Variants in PTP4A2 observed in about 807,000 individuals in gnomAD.
The protein encoded by PTP4A2 is protein tyrosine phosphatase 4A2.
In PTP4A2, 2 loss-of-function variants were observed where a neutral mutation model predicts 22.9. The ratio of observed to expected loss-of-function variants is 0.09; its 90% CI spans 0.04 to 0.27. PTP4A2 has a LOEUF of 0.27. Ranked by LOEUF, PTP4A2 falls within the 10% of genes least tolerant of loss-of-function variation. The pLI, the probability that PTP4A2 is intolerant of heterozygous loss-of-function variation, is 1.00. For synonymous variants in PTP4A2, 68 were observed against 69.1 expected, an observed-to-expected ratio of 0.98 and a Z score of 0.08; for missense variants, 103 against 205.1, an observed-to-expected ratio of 0.50 and a Z score of 3.04.
intron 2 of PTP4A2, among the ~76,000 whole-genome samples, chr1:31,916,332 G>GA (rs1252415450): frequency 1.7e-5 from 2 of 115,448 alleles, no homozygotes; most frequent in Non-Finnish European, 3.3e-5. Context: ...GCGACAGAGC[G>GA]AGACTCCGTC....
At chr1:31,927,048 TAG>T (rs1245006273) in intron 1 of PTP4A2, among the ~76,000 whole-genome samples, 3 of 152,054 alleles carry the variant, frequency 2.0e-5, no homozygotes, top group African/African-American at 4.8e-5. Flanking sequence ...ATGGAATGAA[TAG>T]AGTCAGAGAA....
chr1:31,925,621 G>A (rs1218789553), intron 1 of PTP4A2, among the ~76,000 whole-genome samples: 1 of 152,050 alleles, frequency 6.6e-6, no homozygotes, highest in Non-Finnish European at 1.5e-5. Flanking sequence ...TTAGTCGGGT[G>A]TGGTGGTGGG....
At chr1:31,922,802 T>C (rs1652249828) in intron 1 of PTP4A2, among the ~76,000 whole-genome samples, 2 of 152,036 alleles carry the variant, frequency 1.3e-5, no homozygotes. Flanking sequence ...TTTGATTTTC[T>C]GTAGCAACAA....
Position 31,907,315 on chromosome 1 carries a change from C to T in PTP4A2, c.*1537G>A, listed in dbSNP as rs1230241941. Reference sequence around the variant, plus strand: ...AGAGGTGAAAATAGTGCAAGAGCCCCTGATGGTGCCCCTCTACCTGCTTTG... The same window carrying T: ...AGAGGTGAAAATAGTGCAAGAGCCCTTGATGGTGCCCCTCTACCTGCTTTG... On this transcript the variant is annotated 3_prime_UTR_variant, in exon 6 of 6. Coordinates refer to ENST00000647444, the MANE Select transcript of PTP4A2 (RefSeq NM_080391.4). The T allele has an allele frequency of 6.6e-6, 1 of 152,240 alleles. No individual in the cohort carries two copies. The highest frequency in any genetic ancestry group is 1.5e-5 in the Non-Finnish European group (1 of 68,062). 9.4% of individuals were successfully genotyped at this position (152,240 alleles called of 1,614,324 possible).
chr1:31,930,032 A>C (rs890665313), intron 1 of PTP4A2, among the ~76,000 whole-genome samples: 1 of 152,226 alleles, frequency 6.6e-6, no homozygotes, highest in African/African-American at 2.4e-5. Flanking sequence ...GCTACTGTTC[A>C]CATTACCTAA....
chr1:31,918,366 T>C (rs538587600), intron 2 of PTP4A2, among the ~76,000 whole-genome samples: 17 of 152,330 alleles, frequency 1.1e-4, no homozygotes, highest in East Asian at 1.9e-4. Flanking sequence ...CTACCACCTT[T>C]CCTTCACCCA....
chr1:31,921,891 T>A (rs626502), intron 1 of PTP4A2: 2 of 151,902 alleles, frequency 1.3e-5, no homozygotes, highest in Non-Finnish European at 1.5e-5. Context: ...ATATAACCAC[T>A]GACACAAACA....
At chr1:31,925,279 CA>C (rs1217200014) in intron 1 of PTP4A2, among the ~76,000 whole-genome samples, 4 of 152,186 alleles carry the variant, frequency 2.6e-5, no homozygotes, top group Admixed American at 6.5e-5. Flanking sequence ...GATTTACAAT[CA>C]AACTACGTTC....
rs367803623 is a variant in PTP4A2, at chr1:31,911,858, A to G, written c.190-32T>C. The G allele has an allele frequency of 5.2e-5, 79 of 1,522,434 alleles. 1 individual carries two copies. In the African/African-American group the frequency reaches 8.8e-4, roughly 17 times the overall value. 94.3% of individuals were successfully genotyped at this position (1,522,434 alleles called of 1,614,324 possible). A position where few individuals can be genotyped will look rare whatever the true frequency, so the allele number is the denominator to read the frequency against. On this transcript the variant is annotated intron_variant, in intron 3 of 5. Coordinates refer to ENST00000647444, the MANE Select transcript of PTP4A2 (RefSeq NM_080391.4). ...AGAAATGACCTTTTACATTAAATTG[A>G]TATTTTCTCCATGATTAACATCCTA...
intron 1 of PTP4A2, chr1:31,921,772 T>G (rs1173701080): frequency 6.6e-6 from 1 of 152,214 alleles, no homozygotes; most frequent in Non-Finnish European, 1.5e-5. Flanking sequence ...AACTGAAATA[T>G]ATAGGTAAGT....
intron 5 of PTP4A2, among the ~76,000 whole-genome samples, chr1:31,909,369 T>G (rs909326893): frequency 1.3e-5 from 2 of 152,148 alleles, no homozygotes. Context: ...TGTCCCTGAA[T>G]AGATCACTTA....
In PTP4A2 at chr1:31,922,619, TTTCTTTCTTTCTTTC is replaced by T. The variant is rs1557865703; in HGVS notation, c.-593-2976_-593-2962del. On this transcript the variant is annotated intron_variant, in intron 1 of 5. Transcript: ENST00000647444. Reference sequence around the variant, plus strand: ...CTTTCTTTCTTTCTTTCTTTCTTTCTTTCTTTCTTTCTTTCTTTTATTTATTTTGAGACAGGTTTT... The same window carrying T: ...CTTTCTTTCTTTCTTTCTTTCTTTCTTTTTATTTATTTTGAGACAGGTTTT... 8.9e-4 allele frequency among the ~76,000 whole-genome samples: 121 copies of T among 136,484 alleles called. 1 individual carries two copies. Among genetic ancestry groups the T allele is most frequent in the African/African-American group, 4.1e-3 (117 of 28,828 alleles). 89.5% of individuals were successfully genotyped at this position (136,484 alleles called of 152,430 possible).
At chr1:31,930,872 G>A (rs755894686) in intron 1 of PTP4A2, 5 of 152,080 alleles carry the variant, frequency 3.3e-5, no homozygotes, top group Admixed American at 6.6e-5. Flanking sequence ...ACATATTAAC[G>A]TGAAATAAAA....
intron 3 of PTP4A2, among the ~76,000 whole-genome samples, chr1:31,913,468 T>C (rs754361653): frequency 1.4e-4 from 21 of 152,242 alleles, no homozygotes; most frequent in Non-Finnish European, 2.2e-4. Context: ...GTTCTACTTT[T>C]AGTTCTTTAA....
At chr1:31,911,639 C>T in intron 4 of PTP4A2, 57 bp downstream of exon 4, 1 of 1,451,324 alleles carries the variant, frequency 6.9e-7, no homozygotes, top group Non-Finnish European at 9.1e-7. Context: ...AAACTTTCAA[C>T]TAACTTAGGC....
chr1:31,912,020 C>A (rs1480994625), intron 3 of PTP4A2, among the ~76,000 whole-genome samples, 194 bp from the exon 4 acceptor site: 1 of 152,140 alleles, frequency 6.6e-6, no homozygotes, highest in Non-Finnish European at 1.5e-5. Context: ...AAATAAATTA[C>A]CCTTCTCAAT....
chr1:31,915,200 G>GCTT (rs1651760772), intron 3 of PTP4A2, among the ~76,000 whole-genome samples: 1 of 152,032 alleles, frequency 6.6e-6, no homozygotes, highest in Non-Finnish European at 1.5e-5. Context: ...ACTAAATTTT[G>GCTT]CTTTTTATTA....
rs557891078 is a variant in PTP4A2 at position 31,924,344 on chromosome 1, T to C, written c.-593-4686A>G. 1.2e-3 allele frequency among the ~76,000 whole-genome samples: 190 copies of C among 152,354 alleles called. 1 individual carries two copies. Among genetic ancestry groups the C allele is most frequent in the African/African-American group, 4.4e-3 (184 of 41,594 alleles). ...TGTTCTAGCACTTTTAACAGATACA[T>C]GATAAAAACAAGCTTCTGTTCCCTC... On this transcript the variant is annotated intron_variant, in intron 1 of 5. Transcript: ENST00000647444.
intron 3 of PTP4A2, 102 bp downstream of exon 3, chr1:31,915,793 T>A: frequency 1.4e-6 from 1 of 726,486 alleles, no homozygotes; most frequent in Admixed American, 2.9e-5. Flanking sequence ...TCCCACAATA[T>A]TGGGATTATA....
Sources: allele counts gnomAD v4.1 joint callset (sites outside exome capture counted in the v4.1 genomes callset), GRCh38; gene constraint gnomAD v4.1.1; transcripts MANE v1.5; gene names NCBI Gene and HGNC (gene_info 2026-07-23, HGNC 2026-07-21).